CCDC7: variants seen among roughly 807,000 people sequenced by gnomAD.
CCDC7 encodes the protein coiled-coil domain containing 7, also known as coiled-coil domain-containing protein 7.
A neutral mutation model predicts 196.9 loss-of-function variants in CCDC7; 183 were observed. The ratio of observed to expected loss-of-function variants is 0.93; its 90% CI spans 0.82 to 1.05. The LOEUF (loss-of-function observed/expected upper bound fraction) is 1.05. Ranked by LOEUF, CCDC7 falls within the 50% of genes least tolerant of loss-of-function variation. The probability of loss-of-function intolerance (pLI) is 0.00; values close to 1 mark genes in which losing one functional copy is unlikely to be tolerated. For missense variants in CCDC7, 1,540 were observed against 1,482.2 expected (o/e 1.04, Z -0.64); for synonymous variants, 525 against 484.6 (o/e 1.08, Z -1.10).
chr10:32,455,192 T>C (rs1479135681), intron 2 of CCDC7, among the ~76,000 whole-genome samples: 2 of 151,768 alleles, frequency 1.3e-5, no homozygotes, highest in African/African-American at 2.4e-5. Context: ...TTCATTTTCC[T>C]CTCTGCTGGA....
At chr10:32,756,233 T>C (rs1446908486) in intron 28 of CCDC7, among the ~76,000 whole-genome samples, 1 of 152,038 alleles carries the variant, frequency 6.6e-6, no homozygotes, top group Non-Finnish European at 1.5e-5. Flanking sequence ...CAGGCCAACA[T>C]TCAAATTCAG....
At chr10:32,728,642 G>T (rs2083461529) in intron 26 of CCDC7, among the ~76,000 whole-genome samples, 1 of 152,026 alleles carries the variant, frequency 6.6e-6, no homozygotes, top group South Asian at 2.1e-4. Context: ...TAAGTATTTT[G>T]ATTATGTATT....
intron 28 of CCDC7, among the ~76,000 whole-genome samples, chr10:32,761,306 G>A (rs1428404447): frequency 1.3e-5 from 2 of 151,840 alleles, no homozygotes; most frequent in African/African-American, 4.8e-5. Flanking sequence ...GGAATAAAAG[G>A]GTATATGGTA....
At chr10:32,768,685 GTTTC>G (rs1374174005) in intron 28 of CCDC7, among the ~76,000 whole-genome samples, 1 of 152,048 alleles carries the variant, frequency 6.6e-6, no homozygotes, top group Non-Finnish European at 1.5e-5. Flanking sequence ...TTTGAGGTAT[GTTTC>G]TTCTATACCT....
At chr10:32,681,738 TACACACACACACACACACAC>T (rs57829018) in intron 21 of CCDC7, among the ~76,000 whole-genome samples, 176 of 137,630 alleles carry the variant, frequency 1.3e-3, no homozygotes, top group African/African-American at 4.4e-3. Context: ...TTTATATGTA[TACACACACACACACACACAC>T]ACACACACAC....
At chr10:32,784,398 C>A (rs2081499275) in intron 29 of CCDC7, among the ~76,000 whole-genome samples, 1 of 152,014 alleles carries the variant, frequency 6.6e-6, no homozygotes, top group Non-Finnish European at 1.5e-5. Context: ...CTCTGACAGA[C>A]CCCAGTGTGT....
At chr10:32,808,766 G>A (rs963533896) in intron 30 of CCDC7, among the ~76,000 whole-genome samples, 1 of 151,960 alleles carries the variant, frequency 6.6e-6, no homozygotes, top group African/African-American at 2.4e-5. Context: ...GCATCCACTA[G>A]CAACTACAGC....
At chr10:32,780,752 A>C (rs1430665117) in intron 29 of CCDC7, among the ~76,000 whole-genome samples, 2 of 152,208 alleles carry the variant, frequency 1.3e-5, no homozygotes, top group East Asian at 3.8e-4. Context: ...AAAAACAGGT[A>C]TCAAAATGGC....
intron 18 of CCDC7, among the ~76,000 whole-genome samples, chr10:32,596,774 A>T (rs186005872): frequency 1.6e-4 from 25 of 152,180 alleles, no homozygotes; most frequent in Admixed American, 1.4e-3. Flanking sequence ...TTATTTCTCC[A>T]TCACTTATGA....
chr10:32,746,842 A>G (rs186643890), intron 28 of CCDC7, among the ~76,000 whole-genome samples: 7 of 152,360 alleles, frequency 4.6e-5, no homozygotes, highest in South Asian at 4.1e-4. Flanking sequence ...GCATGTGCAC[A>G]TGGATGCCAT....
chr10:32,709,717 G>C (rs1319255893), intron 24 of CCDC7, among the ~76,000 whole-genome samples: 1 of 152,144 alleles, frequency 6.6e-6, no homozygotes, highest in African/African-American at 2.4e-5. Flanking sequence ...ACCAGTACTG[G>C]TCATGGCCTC....
chr10:32,732,772 C>A (rs982422064), intron 28 of CCDC7, among the ~76,000 whole-genome samples: 3 of 152,074 alleles, frequency 2.0e-5, no homozygotes, highest in Admixed American at 2.0e-4. Flanking sequence ...GCATTACCCA[C>A]GATATGATGG....
upstream of CCDC7, among the ~76,000 whole-genome samples, chr10:32,444,295 C>T (rs879614593): frequency 3.9e-5 from 6 of 152,154 alleles, no homozygotes; most frequent in Non-Finnish European, 8.8e-5. Context: ...AAAGAATAAT[C>T]GATTCATGTC....
chr10:32,488,918 G>T (rs935433501), intron 8 of CCDC7, among the ~76,000 whole-genome samples: 1 of 152,198 alleles, frequency 6.6e-6, no homozygotes, highest in Non-Finnish European at 1.5e-5. Flanking sequence ...GATCCAGTGA[G>T]GTTGTGGCAG....
chr10:32,519,322 C>A lies in CCDC7; in HGVS notation c.993+817C>A, dbSNP rs4749727. 1.1e-3 allele frequency among the ~76,000 whole-genome samples: 162 copies of A among 152,234 alleles called. 2 individuals are homozygous for A. Among genetic ancestry groups the A allele is most frequent in the East Asian group, 0.011 (55 of 5,178 alleles). On this transcript the variant is annotated intron_variant, in intron 11 of 41. Coordinates refer to ENST00000639629, the Ensembl canonical transcript of CCDC7. ...ACCAAGTGTGAGAATTTTGCAGCAT[C>A]CTAATCACACACTGTTAGAACCACA...
intron 8 of CCDC7, 125 bp from the exon 10 acceptor site, chr10:32,491,797 G>T: frequency 1.2e-6 from 1 of 810,926 alleles, no homozygotes. Context: ...TAATAGTCAT[G>T]TAGCCCATGC....
chr10:32,552,763 T>C lies in CCDC7; in HGVS notation c.1134+8462T>C, dbSNP rs568473021. Among the ~76,000 whole-genome samples the C allele has an allele frequency of 8.5e-5, 13 of 152,368 alleles. No homozygotes were observed. In the South Asian group the frequency reaches 2.3e-3, roughly 27 times the overall value. On this transcript the variant is annotated intron_variant, in intron 13 of 41. Coordinates refer to ENST00000639629, the Ensembl canonical transcript of CCDC7. ...AGATCGGGCCCCAATCCCTTCTAGC[T>C]TGTAGAGTTTCTGCTGAGAAATCTG...
At chr10:32,808,585 TCAAG>T (rs2086362642) in intron 30 of CCDC7, among the ~76,000 whole-genome samples, 1 of 152,010 alleles carries the variant, frequency 6.6e-6, no homozygotes. Context: ...TGGCCAGCAC[TCAAG>T]CAAGCCACCT....
intron 6 of CCDC7, among the ~76,000 whole-genome samples, chr10:32,472,154 A>G (rs1411295991): frequency 6.6e-6 from 1 of 152,176 alleles, no homozygotes; most frequent in Non-Finnish European, 1.5e-5. Flanking sequence ...GTCCTTCATC[A>G]TTATACGATT....
Sources: allele counts gnomAD v4.1 joint callset (sites outside exome capture counted in the v4.1 genomes callset), GRCh38; gene constraint gnomAD v4.1.1; transcripts MANE v1.5; gene names NCBI Gene and HGNC (gene_info 2026-07-23, HGNC 2026-07-21).